POP1: variants seen among roughly 807,000 people sequenced by gnomAD.
POP1 encodes the protein POP1 ribonuclease P/MRP subunit, also known as ribonucleases P/MRP protein subunit POP1.
A neutral mutation model predicts 102.2 loss-of-function variants in POP1; 75 were observed. The observed-to-expected ratio is 0.73, with a 90% confidence interval of 0.61 to 0.89. The LOEUF (loss-of-function observed/expected upper bound fraction) is 0.89. Ranked by LOEUF, POP1 falls within the 40% of genes least tolerant of loss-of-function variation. The probability of loss-of-function intolerance (pLI) is 0.00; values close to 1 mark genes in which losing one functional copy is unlikely to be tolerated. For missense variants in POP1, 1,116 were observed against 1,267.4 expected (o/e 0.88, Z 1.81); for synonymous variants, 436 against 464.1 (o/e 0.94, Z 0.78).
chr8:98,122,644 G>A (rs1816064426), intron 1 of POP1, among the ~76,000 whole-genome samples: 1 of 152,094 alleles, frequency 6.6e-6, no homozygotes, highest in Non-Finnish European at 1.5e-5. Flanking sequence ...TGTAGTTGTG[G>A]TGAAATAGTT....
At position 98,144,856 on chromosome 8, in the gene POP1, A is replaced by G. The variant is rs113704378; in HGVS notation, c.1595-1712A>G. 3.5e-3 allele frequency among the ~76,000 whole-genome samples: 538 copies of G among 152,242 alleles called. 4 individuals are homozygous for G. Among genetic ancestry groups the G allele is most frequent in the African/African-American group, 0.012 (507 of 41,538 alleles). On this transcript the variant is annotated intron_variant, in intron 11 of 15. Coordinates refer to ENST00000401707, the MANE Select transcript of POP1 (RefSeq NM_001145860.2). ...TTATCTCTGTGAGGAAGAGCAGTGT[A>G]ATGAAGCTGCTGTGGCTTTTAAAAA...
chr8:98,139,769 A>G (rs775856524), intron 9 of POP1, among the ~76,000 whole-genome samples: 4 of 152,104 alleles, frequency 2.6e-5, no homozygotes, highest in East Asian at 1.9e-4. Context: ...CTTTGTTGGT[A>G]CTGCGCTCTG....
At chr8:98,140,635 G>A in intron 10 of POP1, 134 bp from the exon 11 acceptor site, 1 of 860,650 alleles carries the variant, frequency 1.2e-6, no homozygotes, top group Admixed American at 2.1e-5. Flanking sequence ...AATGGGAAGA[G>A]AGGGAATACA....
intron 11 of POP1, 32 bp from the exon 12 acceptor site, chr8:98,146,536 G>A: frequency 6.8e-7 from 1 of 1,476,048 alleles, no homozygotes; most frequent in Non-Finnish European, 9.5e-7. Flanking sequence ...TCTGAAGGAT[G>A]TGGTTTGAAG....
chr8:98,118,691 G>A (rs1410622064), intron 1 of POP1, among the ~76,000 whole-genome samples: 1 of 152,122 alleles, frequency 6.6e-6, no homozygotes, highest in Non-Finnish European at 1.5e-5. Flanking sequence ...CTCCCAAAGT[G>A]CAGGGATTAC....
chr8:98,150,243 A>G (rs1340660395), intron 13 of POP1, among the ~76,000 whole-genome samples: 1 of 152,230 alleles, frequency 6.6e-6, no homozygotes, highest in East Asian at 1.9e-4. Flanking sequence ...ACCTTACTGT[A>G]TATATGATTT....
Position 98,157,701 on chromosome 8 carries a change from A to G in POP1, c.2505A>G (p.Arg835=), listed in dbSNP as rs371698746. Residue 835 remains arginine, a synonymous_variant, in exon 16 of 16, where the codon AGA becomes AGG. Coordinates refer to ENST00000401707, the MANE Select transcript of POP1 (RefSeq NM_001145860.2). Reference sequence around the variant, plus strand: ...GGGGAGGCCGGCGAGCTCCCGGCAGAGGCCAGCAAGGATTGACCAGAGAGG... The same window carrying G: ...GGGGAGGCCGGCGAGCTCCCGGCAGGGGCCAGCAAGGATTGACCAGAGAGG... The part of the protein sequence containing the change: ...DSRGGRRAPG[R]GQQGLTREAC... The G allele has an allele frequency of 1.1e-4, 173 of 1,614,108 alleles. No individual in the cohort carries two copies. The highest frequency in any genetic ancestry group is 1.4e-4 in the Non-Finnish European group (166 of 1,180,036).
rs61743394 is a variant in POP1 at position 98,123,411 on chromosome 8, G to C, written c.74G>C (p.Gly25Ala). 1 of 1,614,098 alleles carries C rather than the reference G, an allele frequency of 6.2e-7. No individual in the cohort carries two copies. Among genetic ancestry groups the C allele is most frequent in the Non-Finnish European group, 8.5e-7 (1 of 1,179,990 alleles). ...CCTACCAATGTGACTCTGTCCTCTG[G>C]CTTTGTGGCTGACAGAGGTGTAAAG... ...NQPTNVTLSS[G>A]FVADRGVKHH... The change falls in exon 2 of 16, where the codon GGC (glycine) becomes GCC (alanine). Residue 25 changes from glycine to alanine, a missense_variant. By Grantham distance (60) the Gly-to-Ala change is moderately conservative (BLOSUM62 0). Transcript: ENST00000401707.
intron 14 of POP1, 57 bp downstream of exon 14, chr8:98,150,696 T>TTTC (rs1428576016): frequency 1.2e-5 from 19 of 1,536,724 alleles, no homozygotes; most frequent in Middle Eastern, 1.7e-4. Flanking sequence ...AAGTGCCTGC[T>TTTC]TATATTGGTA....
intron 14 of POP1, among the ~76,000 whole-genome samples, chr8:98,152,617 T>TA (rs1229849980): frequency 2.0e-5 from 3 of 152,234 alleles, no homozygotes; most frequent in African/African-American, 7.2e-5. Flanking sequence ...TTTTCAACCA[T>TA]TTAAAAACGT....
chr8:98,135,571 C>T (rs1023619170), intron 7 of POP1, among the ~76,000 whole-genome samples: 2 of 152,094 alleles, frequency 1.3e-5, no homozygotes, highest in African/African-American at 2.4e-5. Context: ...ATTTGACTAA[C>T]CCTACCCCTA....
At position 98,130,065 on chromosome 8, in the gene POP1, T is replaced by G; in HGVS notation, c.574T>G (p.Phe192Val). ...RRCHMNRTLE[F>V]NRRQKKNIWL... The stretch of plus-strand genomic sequence containing the variant: ...ATGTCACATGAACCGGACGCTAGAA[T>G]TTAACCGTAGACAAAAGAAGAACAT... The change falls in exon 5 of 16, where the codon TTT becomes GTT. Residue 192 changes from phenylalanine to valine, a missense_variant. Physicochemically the swap from Phe to Val is conservative, Grantham distance 50. Coordinates refer to ENST00000401707, the MANE Select transcript of POP1 (RefSeq NM_001145860.2). 1 of 1,614,146 alleles carries G rather than the reference T, an allele frequency of 6.2e-7. No individual in the cohort carries two copies. Among genetic ancestry groups the G allele is most frequent in the Non-Finnish European group, 8.5e-7 (1 of 1,180,030 alleles).
At chr8:98,153,586 G>A (rs545191758) in intron 14 of POP1, among the ~76,000 whole-genome samples, 1 of 126,608 alleles carries the variant, frequency 7.9e-6, no homozygotes, top group African/African-American at 3.1e-5. Context: ...TTGCCAGGCT[G>A]GAGTGCAGTG....
chr8:98,146,239 C>T lies in POP1; in HGVS notation c.1595-329C>T, dbSNP rs1010817970. Among the ~76,000 whole-genome samples, 7 of 152,100 alleles carry T rather than the reference C, an allele frequency of 4.6e-5. No individual in the cohort carries two copies. In the South Asian group the frequency reaches 6.2e-4, roughly 14 times the overall value. Reference sequence around the variant, plus strand: ...CACCACCATGCCTGCCTTAATGTGCCGTATTATTTGCCTTTGCCGTGGCTC... The same window carrying T: ...CACCACCATGCCTGCCTTAATGTGCTGTATTATTTGCCTTTGCCGTGGCTC... On this transcript the variant is annotated intron_variant, in intron 11 of 15. Transcript: ENST00000401707.
At position 98,155,971 on chromosome 8, in the gene POP1, G is replaced by A. The variant is rs1809637746; in HGVS notation, c.2058-79G>A. ...TGTGTGTGTGTTTTAAAATAGAGAT[G>A]CATTATAATGGTTATAATTATTTTA... On this transcript the variant is annotated intron_variant, in intron 14 of 15. Coordinates refer to ENST00000401707, the MANE Select transcript of POP1 (RefSeq NM_001145860.2). The A allele has an allele frequency of 3.4e-6, 3 of 883,684 alleles. No individual in the cohort carries two copies. The East Asian group carries it at 1.0e-4, about 30-fold the overall frequency. 54.7% of individuals were successfully genotyped at this position (883,684 alleles called of 1,614,324 possible). A position where few individuals can be genotyped will look rare whatever the true frequency, so the allele number is the denominator to read the frequency against.
rs1446247313 is a variant in POP1 at position 98,146,734 on chromosome 8, T to C, written c.1710+51T>C. 5 of 1,287,018 alleles carry C rather than the reference T, an allele frequency of 3.9e-6. No homozygotes were observed. The Admixed American group carries it at 6.7e-5, about 17-fold the overall frequency. The allele number at this position is 1,287,018 out of a possible 1,614,324, so 79.7% of individuals were successfully genotyped here. A position where few individuals can be genotyped will look rare whatever the true frequency, so the allele number is the denominator to read the frequency against. Reference sequence around the variant, plus strand: ...GTAAAGTCATGAATGACAGGTTAAATATATCATTCTAGAGACCATAAAAAG... The same window carrying C: ...GTAAAGTCATGAATGACAGGTTAAACATATCATTCTAGAGACCATAAAAAG... On this transcript the variant is annotated intron_variant, in intron 12 of 15. Transcript: ENST00000401707.
chr8:98,138,764 G>A (rs1156887044), intron 9 of POP1, among the ~76,000 whole-genome samples: 1 of 151,268 alleles, frequency 6.6e-6, no homozygotes, highest in Non-Finnish European at 1.5e-5. Flanking sequence ...AACCAATGAA[G>A]TTTGGTTCCA....
rs901899616 is a variant in POP1, at chr8:98,156,257, A to G, written c.2265A>G (p.Pro755=). Residue 755 remains proline, a synonymous_variant, in exon 15 of 16, where the codon CCA becomes CCG. Coordinates refer to ENST00000401707, the MANE Select transcript of POP1 (RefSeq NM_001145860.2). ...CCATGCCTAAAAAAACTCATCAGCC[A>G]TCTGATGAAGTGGGCACATCCATAG... ...CAPMPKKTHQ[P]SDEVGTSIEH... is the part of the protein sequence containing the mutation. The G allele has an allele frequency of 6.2e-7, 1 of 1,614,124 alleles. No homozygotes were observed. The highest frequency in any genetic ancestry group is 1.7e-5 in the Admixed American group (1 of 60,020).
At chr8:98,155,952 T>TGC (rs1809636955) in intron 14 of POP1, 98 bp from the exon 15 acceptor site, 2 of 983,238 alleles carry the variant, frequency 2.0e-6, no homozygotes, top group Non-Finnish European at 1.6e-6. Context: ...TGTGTGTGTG[T>TGC]GTGTTTTAAA....
Sources: allele counts gnomAD v4.1 joint callset (sites outside exome capture counted in the v4.1 genomes callset), GRCh38; gene constraint gnomAD v4.1.1; transcripts MANE v1.5; gene names NCBI Gene and HGNC (gene_info 2026-07-23, HGNC 2026-07-21).